The following NSD1 variants were observed in gnomAD, a reference collection of about 807,000 sequenced individuals.
NSD1 encodes nuclear receptor binding SET domain protein 1, also known as histone-lysine N-methyltransferase, H3 lysine-36 specific.
NSD1 carries 26 observed loss-of-function variants against 242.7 expected under a neutral mutation model. The observed-to-expected ratio is 0.11, with a 90% CI of 0.08 to 0.15. The LOEUF is 0.15. Ranked by LOEUF, NSD1 falls within the 10% of genes least tolerant of loss-of-function variation. The probability of loss-of-function intolerance (pLI) is 1.00; values close to 1 mark genes in which losing one functional copy is unlikely to be tolerated. For synonymous variants in NSD1, 1,106 were observed against 1,178.1 expected (o/e 0.94, Z 1.25); for missense variants, 2,495 against 3,272.8 (o/e 0.76, Z 5.80).
chr5:177,166,742 A>C (rs990082997), intron 2 of NSD1, among the ~76,000 whole-genome samples: 1 of 141,634 alleles, frequency 7.1e-6, no homozygotes, highest in Non-Finnish European at 1.5e-5. Flanking sequence ...ATTTTGAGTT[A>C]CTTTTTTTTT....
At chr5:177,275,030 G>A (rs1182143187) in intron 17 of NSD1, among the ~76,000 whole-genome samples, 6 of 151,584 alleles carry the variant, frequency 4.0e-5, no homozygotes, top group Non-Finnish European at 5.9e-5. Flanking sequence ...CACCACGCCC[G>A]GCTGTGTGTT....
At chr5:177,201,873 T>C (rs536144545) in intron 3 of NSD1, among the ~76,000 whole-genome samples, 23 of 151,464 alleles carry the variant, frequency 1.5e-4, no homozygotes, top group African/African-American at 5.6e-4. Context: ...TGTTTAACTT[T>C]AAAAGTTGTT....
rs976968375 is a variant in NSD1 at position 177,134,165 on chromosome 5, C to T, written c.-18+213C>T. On this transcript the variant is annotated intron_variant, in intron 1 of 22. Transcript: ENST00000439151. The surrounding 1 kb of genome is among the most constrained non-coding windows in gnomAD (Gnocchi z 4.2). Reference sequence around the variant, plus strand: ...CCAGCCGGGCTCAGGCCTAGCTGGCCGGGCTGCCGCGAACTTCCTCCCGGC... The same window carrying T: ...CCAGCCGGGCTCAGGCCTAGCTGGCTGGGCTGCCGCGAACTTCCTCCCGGC... The T allele has an allele frequency of 6.6e-6, 1 of 151,376 alleles. No individual in the cohort carries two copies. Among genetic ancestry groups the T allele is most frequent in the Non-Finnish European group, 1.5e-5 (1 of 67,726 alleles). The allele number at this position is 151,376 out of a possible 1,614,324, so 9.4% of individuals were successfully genotyped here.
intron 4 of NSD1, among the ~76,000 whole-genome samples, chr5:177,207,605 T>TTTTTTTTTTTTTTTTTTTTTC (rs1762990602): frequency 7.0e-6 from 1 of 141,904 alleles, no homozygotes; most frequent in African/African-American, 2.7e-5. Flanking sequence ...TTTTTTTTTT[T>TTTTTTTTTTTTTTTTTTTTTC]TTTTTTTTTT....
chr5:177,296,917 G>A lies in NSD1; in HGVS notation c.*1458G>A, dbSNP rs1427144233. The A allele has an allele frequency of 4.3e-6, 1 of 233,256 alleles. No homozygotes were observed. The highest frequency in any genetic ancestry group is 8.5e-6 in the Non-Finnish European group (1 of 118,052). The allele number at this position is 233,256 out of a possible 1,614,324, so 14.4% of individuals were successfully genotyped here. ...TCTGCTTTGCCAACTTAGCCAGCAG[G>A]CCATCCCCGGCCCTAACGTCTCCTG... On this transcript the variant is annotated 3_prime_UTR_variant, in exon 23 of 23. Coordinates refer to ENST00000439151, the MANE Select transcript of NSD1 (RefSeq NM_022455.5).
At chr5:177,251,913 A>C in intron 12 of NSD1, 60 bp downstream of exon 12, 1 of 1,607,190 alleles carries the variant, frequency 6.2e-7, no homozygotes, top group Non-Finnish European at 8.5e-7. Context: ...GTTTTTCAGG[A>C]AAGACATTTA....
In NSD1 at chr5:177,293,847, C is replaced by T. The variant is rs1327420643; in HGVS notation, c.6479C>T (p.Pro2160Leu). 2.5e-6 allele frequency: 4 copies of T among 1,613,992 alleles called. No individual in the cohort carries two copies. The highest frequency in any genetic ancestry group is 2.2e-5 in the East Asian group (1 of 44,870). The change falls in exon 23 of 23, where the codon CCG becomes CTG. Residue 2160 changes from proline to leucine, a missense_variant. By Grantham distance (98) the Pro-to-Leu change is moderately conservative. This residue lies in a region of NSD1 where 33 missense variants were observed against 134.8 expected (regional missense o/e 0.24). Coordinates refer to ENST00000439151, the MANE Select transcript of NSD1 (RefSeq NM_022455.5). ...TKRPAGKWEC[P>L]WHQCDICGKE... Reference sequence around the variant, plus strand: ...GTGTTTTCAGGGAAATGGGAATGTCCGTGGCATCAGTGTGACATCTGCGGG... The same window carrying T: ...GTGTTTTCAGGGAAATGGGAATGTCTGTGGCATCAGTGTGACATCTGCGGG...
rs79712702 is a variant in NSD1, at chr5:177,142,948, A to G, written c.927+6918A>G. On this transcript the variant is annotated intron_variant, in intron 2 of 22. Transcript: ENST00000439151. ...TGAGTTCAGCCAAACTGAACTCTTA[A>G]TGGTCCCTTGCTCCATACTCTCCCC... Among the ~76,000 whole-genome samples, 344 of 152,266 alleles carry G rather than the reference A, an allele frequency of 2.3e-3. 3 individuals are homozygous for G. The highest frequency in any genetic ancestry group is 3.9e-3 in the Non-Finnish European group (266 of 68,016).
At chr5:177,132,793 G>T (rs1755964749), upstream of NSD1, among the ~76,000 whole-genome samples, 1 of 151,962 alleles carries the variant, frequency 6.6e-6, no homozygotes, top group African/African-American at 2.4e-5. This position sits in a 1 kb window ranked among gnomAD's most constrained non-coding sequence, Gnocchi z 7.5. Context: ...CCGGCAAGGG[G>T]AGGGAGAGGG....
At chr5:177,218,735 A>T (rs1002893340) in intron 5 of NSD1, among the ~76,000 whole-genome samples, 1 of 149,250 alleles carries the variant, frequency 6.7e-6, no homozygotes, top group African/African-American at 2.5e-5. Flanking sequence ...GCCCGGCTAA[A>T]TTTTTTTTGT....
chr5:177,273,218 T>C (rs1581506179), intron 16 of NSD1, among the ~76,000 whole-genome samples: 1 of 151,520 alleles, frequency 6.6e-6, no homozygotes. Context: ...TAACGCACAG[T>C]TGTCTAATCT....
intron 2 of NSD1, among the ~76,000 whole-genome samples, chr5:177,188,697 TAGATGAG>T (rs1278753964): frequency 6.6e-6 from 1 of 152,150 alleles, no homozygotes; most frequent in Non-Finnish European, 1.5e-5. Flanking sequence ...TTTGGTTATA[TAGATGAG>T]AGGTTTCTGT....
At position 177,244,195 on chromosome 5, in the gene NSD1, T is replaced by C. The variant is rs1476853004; in HGVS notation, c.4303T>C (p.Cys1435Arg). The change falls in exon 9 of 23, where the codon TGC becomes CGC. Residue 1435 changes from cysteine (C) to arginine (R), a missense_variant and splice_region_variant. Transcript: ENST00000439151. ...TGGTGTTGTTTTCACTTATTTATAG[T>C]GCTATGAAGCTGGTCACCTGGAGAA... is the stretch of plus-strand genomic sequence containing the variant. ...KKGDLGLSKK[C>R]YEAGHLENGI... 2 of 1,608,238 alleles carry C rather than the reference T, an allele frequency of 1.2e-6. No homozygotes were observed. Among genetic ancestry groups the C allele is most frequent in the Non-Finnish European group, 1.7e-6 (2 of 1,175,106 alleles).
At chr5:177,202,915 T>G (rs1396630164) in intron 3 of NSD1, among the ~76,000 whole-genome samples, 1 of 152,192 alleles carries the variant, frequency 6.6e-6, no homozygotes, top group Non-Finnish European at 1.5e-5. Flanking sequence ...TTAAGCTATG[T>G]TTTTTAATAG....
intron 5 of NSD1, among the ~76,000 whole-genome samples, chr5:177,216,217 C>T (rs571956749): frequency 1.5e-4 from 23 of 152,264 alleles, no homozygotes; most frequent in African/African-American, 5.5e-4. Flanking sequence ...AAGAGTTATT[C>T]ATATATCCTG....
chr5:177,261,861 G>A (rs1402548605), intron 14 of NSD1, among the ~76,000 whole-genome samples: 1 of 151,974 alleles, frequency 6.6e-6, no homozygotes, highest in Non-Finnish European at 1.5e-5. Flanking sequence ...TCTACTTATT[G>A]ATTATGCAGT....
In NSD1 at chr5:177,209,674, T is replaced by C; in HGVS notation, c.1275T>C (p.Val425=). ...QKILSKWEAS[V]GLAEQYDVPK... ...TTTTGAGTAAATGGGAAGCCAGTGT[T>C]GGACTTGCAGAACAGTATGATGTTC... The change falls in exon 5 of 23, where the codon GTT becomes GTC. Residue 425 remains valine (V), a synonymous_variant. Coordinates refer to ENST00000439151, the MANE Select transcript of NSD1 (RefSeq NM_022455.5). The C allele has an allele frequency of 6.2e-7, 1 of 1,614,082 alleles. No homozygotes were observed.
Position 177,248,200 on chromosome 5 carries a change from G to A in NSD1, c.4517G>A (p.Arg1506Lys). The change falls in exon 11 of 23, where the codon AGG becomes AAG. Residue 1506 changes from arginine to lysine, a missense_variant. Physicochemically the swap from Arg to Lys is conservative, Grantham distance 26. Transcript: ENST00000439151. Reference sequence around the variant, plus strand: ...TGCAAGGGAGAACTAATGCCTCACAGGACGGCCACAAGCCCCAAGGAGACT... The same window carrying A: ...TGCAAGGGAGAACTAATGCCTCACAAGACGGCCACAAGCCCCAAGGAGACT... ...PGSEGELMPH[R>K]TATSPKETVE... 6.2e-7 allele frequency: 1 copy of A among 1,614,160 alleles called. No individual in the cohort carries two copies. The highest frequency in any genetic ancestry group is 8.5e-7 in the Non-Finnish European group (1 of 1,180,036).
At chr5:177,171,328 G>C (rs1228395182) in intron 2 of NSD1, among the ~76,000 whole-genome samples, 2 of 151,586 alleles carry the variant, frequency 1.3e-5, no homozygotes, top group Admixed American at 1.3e-4. Context: ...AGGAAACCTT[G>C]TACGCTTTAG....
Sources: gnomAD v4.1 joint callset for allele counts (sites outside exome capture counted in the v4.1 genomes callset) on GRCh38, gnomAD v4.1.1 for gene constraint, gnomAD v4.1.1 regional missense constraint, Gnocchi (gnomAD v3.1) non-coding constraint, MANE v1.5 for transcripts, NCBI Gene and HGNC (gene_info 2026-07-23, HGNC 2026-07-21) for gene names.